VCPIP1: variants seen among roughly 807,000 people sequenced by gnomAD.
VCPIP1 encodes valosin containing protein interacting protein 1, also known as deubiquitinating protein VCPIP1.
A neutral mutation model predicts 85.0 loss-of-function variants in VCPIP1; 8 were observed. The ratio of observed to expected loss-of-function variants is 0.09; its 90% confidence interval spans 0.06 to 0.17. VCPIP1 has a LOEUF of 0.17. VCPIP1 is among the 10% of genes least tolerant of loss of function. The probability of loss-of-function intolerance (pLI) is 1.00; values close to 1 mark genes in which losing one functional copy is unlikely to be tolerated. For synonymous variants in VCPIP1, 543 were observed against 544.5 expected (o/e 1.00, Z 0.04); for missense variants, 1,070 against 1,486.3 (o/e 0.72, Z 4.61).
chr8:66,643,673 A>G (rs1810968755), intron 2 of VCPIP1, among the ~76,000 whole-genome samples: 1 of 152,152 alleles, frequency 6.6e-6, no homozygotes, highest in South Asian at 2.1e-4. Context: ...ACTGCACTCC[A>G]GCCCAGGCAA....
intron 1 of VCPIP1, among the ~76,000 whole-genome samples, chr8:66,658,934 A>G (rs916962607): frequency 1.3e-5 from 2 of 152,162 alleles, no homozygotes; most frequent in Non-Finnish European, 2.9e-5. Flanking sequence ...AAGTTTCTCA[A>G]CTCCTGAAAG....
At chr8:66,641,672 C>T (rs144455567) in intron 2 of VCPIP1, among the ~76,000 whole-genome samples, 69 of 152,316 alleles carry the variant, frequency 4.5e-4, no homozygotes, top group African/African-American at 1.4e-3. Context: ...CTAAGTGTTC[C>T]TATTCTGGAT....
chr8:66,643,344 T>C (rs1439307456), intron 2 of VCPIP1, among the ~76,000 whole-genome samples: 3 of 144,168 alleles, frequency 2.1e-5, no homozygotes, highest in Non-Finnish European at 4.6e-5. Context: ...AAAAAGATGT[T>C]AAAAAAAAGG....
chr8:66,665,933 T>G lies in VCPIP1; in HGVS notation c.1026A>C (p.Pro342=). ...CTGKDGHLNK[P]ICIAWSSSGR... The stretch of plus-strand genomic sequence containing the variant: ...CGGAGCTGCTCCATGCAATACAGAT[T>G]GGTTTGTTCAAATGACCATCTTTCC... The change falls in exon 1 of 3, where the codon CCA becomes CCC. Residue 342 remains proline, a synonymous_variant. Transcript: ENST00000310421. The surrounding 1 kb of genome is among the most constrained non-coding windows in gnomAD (Gnocchi z 4.3). 1.2e-6 allele frequency: 2 copies of G among 1,614,188 alleles called. No homozygotes were observed. The highest frequency in any genetic ancestry group is 1.7e-6 in the Non-Finnish European group (2 of 1,180,036).
chr8:66,661,994 C>T (rs1215132431), intron 1 of VCPIP1, among the ~76,000 whole-genome samples: 2 of 151,670 alleles, frequency 1.3e-5, no homozygotes, highest in East Asian at 3.9e-4. Context: ...GTCTCGAACT[C>T]CTGACCTCGT....
At chr8:66,652,729 A>C (rs1811065705) in intron 1 of VCPIP1, among the ~76,000 whole-genome samples, 1 of 152,192 alleles carries the variant, frequency 6.6e-6, no homozygotes, top group African/African-American at 2.4e-5. Flanking sequence ...TATTTCAGTA[A>C]GAAATTTCAA....
chr8:66,660,229 C>T (rs370456049), intron 1 of VCPIP1, among the ~76,000 whole-genome samples: 1 of 152,174 alleles, frequency 6.6e-6, no homozygotes, highest in African/African-American at 2.4e-5. Context: ...CAAGCATTTA[C>T]TTGGTACCTA....
At chr8:66,645,349 C>A (rs377715614) in intron 2 of VCPIP1, among the ~76,000 whole-genome samples, 6 of 152,056 alleles carry the variant, frequency 3.9e-5, no homozygotes, top group African/African-American at 1.4e-4. Flanking sequence ...ACTCAGGAGG[C>A]AGAGGTTGTG....
chr8:66,659,547 T>C (rs1039750830), intron 1 of VCPIP1, among the ~76,000 whole-genome samples: 29 of 152,178 alleles, frequency 1.9e-4, no homozygotes, highest in African/African-American at 6.8e-4. Context: ...TTTATTAATA[T>C]AAGTAATAGA....
intron 1 of VCPIP1, among the ~76,000 whole-genome samples, chr8:66,656,055 T>C (rs1022579869): frequency 6.6e-6 from 1 of 152,136 alleles, no homozygotes; most frequent in Non-Finnish European, 1.5e-5. Flanking sequence ...TGAATAACTT[T>C]TAATTGTTTA....
At chr8:66,654,139 G>A (rs74845331) in intron 1 of VCPIP1, among the ~76,000 whole-genome samples, 2 of 152,212 alleles carry the variant, frequency 1.3e-5, no homozygotes, top group Non-Finnish European at 2.9e-5. Context: ...TGAATCCTGT[G>A]TATCAGTCCA....
intron 2 of VCPIP1, among the ~76,000 whole-genome samples, chr8:66,642,278 A>G (rs1302256807): frequency 1.3e-5 from 2 of 152,028 alleles, no homozygotes; most frequent in Non-Finnish European, 2.9e-5. Context: ...GCCCATTTTT[A>G]ACTGTTATTT....
At chr8:66,636,081 G>GCTGGGCATGGTGGTGTGTGAGC (rs1563565929) in intron 2 of VCPIP1, among the ~76,000 whole-genome samples, 1 of 150,950 alleles carries the variant, frequency 6.6e-6, no homozygotes, top group Non-Finnish European at 1.5e-5. Flanking sequence ...ACAAAAATTA[G>GCTGGGCATGGTGGTGTGTGAGC]CTGGGCATGG....
chr8:66,644,854 T>G (rs984029936), intron 2 of VCPIP1, among the ~76,000 whole-genome samples: 3 of 151,840 alleles, frequency 2.0e-5, no homozygotes, highest in African/African-American at 7.3e-5. Flanking sequence ...TCCTAGCACT[T>G]TGGGAGGCTG....
intron 1 of VCPIP1, among the ~76,000 whole-genome samples, chr8:66,658,313 G>A (rs776073184): frequency 2.8e-4 from 41 of 145,402 alleles, no homozygotes; most frequent in Non-Finnish European, 4.2e-4. Flanking sequence ...CAGCCTGAGC[G>A]ACAGAGCAAG....
At chr8:66,653,810 A>G (rs1402695504) in intron 1 of VCPIP1, among the ~76,000 whole-genome samples, 2 of 152,150 alleles carry the variant, frequency 1.3e-5, no homozygotes, top group Non-Finnish European at 2.9e-5. Flanking sequence ...TCCTCATGAT[A>G]TTTGAATTAC....
At chr8:66,642,182 CT>C (rs1810954590) in intron 2 of VCPIP1, among the ~76,000 whole-genome samples, 1 of 152,196 alleles carries the variant, frequency 6.6e-6, no homozygotes, top group Admixed American at 6.5e-5. Flanking sequence ...TTGCATTCCC[CT>C]GATGACTAAT....
In VCPIP1 at chr8:66,632,496, C is replaced by T. The variant is rs956712794; in HGVS notation, c.*2005G>A. 3.9e-5 allele frequency: 6 copies of T among 152,086 alleles called. No individual in the cohort carries two copies. The highest frequency in any genetic ancestry group is 1.4e-4 in the African/African-American group (6 of 41,450). 9.4% of individuals were successfully genotyped at this position (152,086 alleles called of 1,614,324 possible). A position where few individuals can be genotyped will look rare whatever the true frequency, so the allele number is the denominator to read the frequency against. On this transcript the variant is annotated 3_prime_UTR_variant, in exon 3 of 3. Transcript: ENST00000310421. ...AAGTCCATCTTCTAACATTCACATACGCATTCCAATTTGCACTAAATGTAA... is the reference window on the plus strand; with the variant it reads ...AAGTCCATCTTCTAACATTCACATATGCATTCCAATTTGCACTAAATGTAA...
intron 1 of VCPIP1, among the ~76,000 whole-genome samples, chr8:66,659,518 T>C (rs929872009): frequency 2.0e-5 from 3 of 152,182 alleles, no homozygotes; most frequent in African/African-American, 7.2e-5. Context: ...AGCCAAAGAC[T>C]AATACACCTA....
Sources: gnomAD v4.1 joint callset for allele counts (sites outside exome capture counted in the v4.1 genomes callset) on GRCh38, gnomAD v4.1.1 for gene constraint, Gnocchi (gnomAD v3.1) non-coding constraint, MANE v1.5 for transcripts, NCBI Gene and HGNC (gene_info 2026-07-23, HGNC 2026-07-21) for gene names.